NOL4: variants seen among roughly 807,000 people sequenced by gnomAD.
NOL4 encodes the protein nucleolar protein 4.
In NOL4, 17 loss-of-function variants were observed where a neutral mutation model predicts 75.9. That is an observed-to-expected ratio of 0.22 (90% CI 0.15 to 0.34). NOL4 has a LOEUF of 0.34. Ranked by LOEUF, NOL4 falls within the 10% of genes least tolerant of loss-of-function variation. The pLI is 1.00. For missense variants in NOL4, 614 were observed against 793.5 expected (o/e 0.77, Z 2.72); for synonymous variants, 292 against 289.9 (o/e 1.01, Z -0.07).
chr18:34,212,453 T>C (rs2036578879), intron 1 of NOL4, among the ~76,000 whole-genome samples: 1 of 152,238 alleles, frequency 6.6e-6, no homozygotes, highest in African/African-American at 2.4e-5. Context: ...ACACATGTTT[T>C]TGGTAAATTT....
chr18:34,126,242 T>G (rs2080384832), intron 2 of NOL4, among the ~76,000 whole-genome samples: 1 of 152,118 alleles, frequency 6.6e-6, no homozygotes, highest in Non-Finnish European at 1.5e-5. Flanking sequence ...TTATCCACCA[T>G]ATAAAGAAAA....
At chr18:34,032,360 C>T (rs2075678914) in intron 5 of NOL4, among the ~76,000 whole-genome samples, 1 of 152,200 alleles carries the variant, frequency 6.6e-6, no homozygotes. Context: ...GACACCCACA[C>T]ACACCATCAG....
chr18:34,048,436 T>TA (rs2076478404), intron 5 of NOL4: 2 of 985,072 alleles, frequency 2.0e-6, no homozygotes, highest in South Asian at 9.4e-5. Context: ...AGCTGACACT[T>TA]ACTGTGAATT....
At chr18:34,182,944 C>G (rs140054380) in intron 1 of NOL4, among the ~76,000 whole-genome samples, 1 of 151,814 alleles carries the variant, frequency 6.6e-6, no homozygotes, top group Non-Finnish European at 1.5e-5. Context: ...CATAAAACTA[C>G]AGAATATTTT....
intron 6 of NOL4, among the ~76,000 whole-genome samples, chr18:33,984,630 G>A (rs757011944): frequency 1.3e-5 from 2 of 152,098 alleles, no homozygotes; most frequent in South Asian, 2.1e-4. Flanking sequence ...CATGTAAGAC[G>A]TCTGCTCCCT....
At chr18:34,021,492 A>G (rs770217974) in intron 5 of NOL4, among the ~76,000 whole-genome samples, 11 of 152,216 alleles carry the variant, frequency 7.2e-5, no homozygotes, top group Non-Finnish European at 1.2e-4. Flanking sequence ...CAAGAAAAGC[A>G]TTTTGTTTAT....
intron 6 of NOL4, among the ~76,000 whole-genome samples, chr18:34,002,227 T>G (rs2073763707): frequency 6.6e-6 from 1 of 152,042 alleles, no homozygotes; most frequent in Non-Finnish European, 1.5e-5. Context: ...TTTTGAAATG[T>G]GGCCCTCTTT....
At chr18:33,981,205 T>C (rs2071928976) in intron 6 of NOL4, among the ~76,000 whole-genome samples, 1 of 151,592 alleles carries the variant, frequency 6.6e-6, no homozygotes, top group South Asian at 2.1e-4. Flanking sequence ...ATGTAAGAAC[T>C]GTGGGATAAC....
intron 5 of NOL4, among the ~76,000 whole-genome samples, chr18:34,051,975 A>G (rs1027725788): frequency 1.3e-5 from 2 of 152,060 alleles, no homozygotes; most frequent in Non-Finnish European, 2.9e-5. Context: ...GCACCATGCA[A>G]CTAGGAAAAA....
chr18:34,104,874 G>A (rs1390507875), intron 3 of NOL4, among the ~76,000 whole-genome samples, 175 bp downstream of exon 3: 1 of 151,954 alleles, frequency 6.6e-6, no homozygotes, highest in Non-Finnish European at 1.5e-5. Context: ...CTAAGAATGG[G>A]CACTGAATTA....
rs2079157024 is a variant in NOL4, at chr18:34,104,046, C to T, written c.639+1G>A. The stretch of plus-strand genomic sequence containing the variant: ...TACAAATGTAGATGTTTTTATTTTA[C>T]CTCATCTTGCTGTGAGTTTAGCAGC... On this transcript the variant is annotated splice_donor_variant, in intron 4 of 10. Coordinates refer to ENST00000261592, the MANE Select transcript of NOL4 (RefSeq NM_003787.5). LOFTEE classifies it high-confidence loss of function. 6.3e-7 allele frequency: 1 copy of T among 1,597,590 alleles called. No homozygotes were observed. The highest frequency in any genetic ancestry group is 1.3e-5 in the African/African-American group (1 of 74,510).
intron 6 of NOL4, among the ~76,000 whole-genome samples, chr18:33,966,747 C>A (rs2070633375): frequency 6.6e-6 from 1 of 151,880 alleles, no homozygotes; most frequent in Non-Finnish European, 1.5e-5. Context: ...TAGCCACACA[C>A]AAAAATGAAA....
rs137958344 is a variant in NOL4 at position 33,958,310 on chromosome 18, C to T, written c.1165G>A (p.Glu389Lys). 1.1e-5 allele frequency: 17 copies of T among 1,613,700 alleles called. No individual in the cohort carries two copies. The highest frequency in any genetic ancestry group is 5.0e-5 in the Admixed American group (3 of 59,986). The change falls in exon 7 of 11, where the codon GAG becomes AAG. Residue 389 changes from glutamate (E) to lysine (K), a missense_variant. Transcript: ENST00000261592. Reference sequence around the variant, plus strand: ...ACTTTCTCCGAATCGTCATGGTCCTCGTGGTCATCTTCGTCCTCATCTCCC... The same window carrying T: ...ACTTTCTCCGAATCGTCATGGTCCTTGTGGTCATCTTCGTCCTCATCTCCC... ...NRGDEDEDDH[E>K]DHDDSEKVNE...
intron 5 of NOL4, among the ~76,000 whole-genome samples, chr18:34,074,990 G>T (rs2077684190): frequency 6.6e-6 from 1 of 152,230 alleles, no homozygotes; most frequent in East Asian, 1.9e-4. Flanking sequence ...TAATAATTAA[G>T]AAATGGATGG....
At chr18:34,006,539 G>T (rs1047150813) in intron 6 of NOL4, among the ~76,000 whole-genome samples, 2 of 152,004 alleles carry the variant, frequency 1.3e-5, no homozygotes, top group Non-Finnish European at 2.9e-5. Context: ...CAACTGGACT[G>T]CTTCCATCAT....
At chr18:34,196,489 C>T (rs1355491698) in intron 1 of NOL4, among the ~76,000 whole-genome samples, 1 of 152,056 alleles carries the variant, frequency 6.6e-6, no homozygotes, top group Non-Finnish European at 1.5e-5. Flanking sequence ...AAGTAAATGG[C>T]CTGTCCTCTA....
intron 8 of NOL4, among the ~76,000 whole-genome samples, chr18:33,944,974 T>C (rs1218286744): frequency 6.6e-6 from 1 of 151,918 alleles, no homozygotes; most frequent in Non-Finnish European, 1.5e-5. Context: ...CATTGATATC[T>C]TTCTTGATTG....
chr18:33,982,813 C>T (rs917671413), intron 6 of NOL4, among the ~76,000 whole-genome samples: 7 of 134,726 alleles, frequency 5.2e-5, no homozygotes, highest in Admixed American at 8.8e-5. Flanking sequence ...TGTAATGGTG[C>T]GTTCTCGGCT....
In NOL4 at chr18:34,027,850, A is replaced by C. The variant is rs189503767; in HGVS notation, c.773-8249T>G. On this transcript the variant is annotated intron_variant, in intron 5 of 10. Coordinates refer to ENST00000261592, the MANE Select transcript of NOL4 (RefSeq NM_003787.5). ...TTGTCATAGTAAGAGGATAGCCAAG[A>C]AGTAATGTCAGACTGATTTGAGGAA... is the stretch of plus-strand genomic sequence containing the variant. Among the ~76,000 whole-genome samples, 88 of 152,320 alleles carry C rather than the reference A, an allele frequency of 5.8e-4. 2 individuals carry two copies. The Middle Eastern group carries it at 0.01, about 18-fold the overall frequency.
Sources: gnomAD v4.1 joint callset for allele counts (sites outside exome capture counted in the v4.1 genomes callset) on GRCh38, gnomAD v4.1.1 for gene constraint, MANE v1.5 for transcripts, NCBI Gene and HGNC (gene_info 2026-07-23, HGNC 2026-07-21) for gene names.